Variants in ALOX5AP observed in about 807,000 individuals in gnomAD.
ALOX5AP encodes the protein arachidonate 5-lipoxygenase activating protein.
ALOX5AP carries 9 observed loss-of-function variants against 18.5 expected under a neutral mutation model. The ratio of observed to expected loss-of-function variants is 0.49; its 90% CI spans 0.29 to 0.85. The LOEUF is 0.85. Among genes scored for constraint, ALOX5AP ranks in the 40% least tolerant of loss-of-function variants. The pLI, the probability that ALOX5AP is intolerant of heterozygous loss-of-function variation, is 0.08. For missense variants in ALOX5AP, 172 were observed against 202.5 expected, an observed-to-expected ratio of 0.85 and a Z score of 0.91; for synonymous variants, 81 against 78.6, an observed-to-expected ratio of 1.03 and a Z score of -0.16.
chr13:30,754,231 C>T (rs1053939287), intron 3 of ALOX5AP, among the ~76,000 whole-genome samples: 1 of 110,406 alleles, frequency 9.1e-6, no homozygotes, highest in African/African-American at 3.3e-5. Context: ...AAGAGTGAAA[C>T]TCCGTCTCAA....
intron 2 of ALOX5AP, chr13:30,744,426 AAG>A: frequency 5.6e-6 from 2 of 355,936 alleles, no homozygotes; most frequent in South Asian, 6.9e-5. Flanking sequence ...AAAGATCTGA[AAG>A]AGTCATTTGG....
intron 1 of ALOX5AP, among the ~76,000 whole-genome samples, chr13:30,741,097 C>T (rs1442092097): frequency 1.5e-5 from 2 of 135,528 alleles, no homozygotes; most frequent in African/African-American, 5.3e-5. Context: ...ACACATCCTC[C>T]ATATCCTTTT....
intron 2 of ALOX5AP, among the ~76,000 whole-genome samples, chr13:30,746,925 A>T (rs185780682): frequency 2.0e-5 from 3 of 152,370 alleles, no homozygotes; most frequent in Admixed American, 2.0e-4. Flanking sequence ...AGGATAAATG[A>T]TACTGGTGGA....
intron 2 of ALOX5AP, 64 bp downstream of exon 2, chr13:30,744,223 G>A: frequency 1.4e-6 from 2 of 1,420,286 alleles, no homozygotes; most frequent in African/African-American, 1.4e-5. Flanking sequence ...CCTTCTAGGA[G>A]TGATGACCAC....
intron 1 of ALOX5AP, among the ~76,000 whole-genome samples, chr13:30,736,943 G>C (rs764290799): frequency 6.6e-6 from 1 of 152,238 alleles, no homozygotes; most frequent in South Asian, 2.1e-4. Context: ...CAGAGACCCT[G>C]CTCTGGCCCA....
intron 4 of ALOX5AP, among the ~76,000 whole-genome samples, chr13:30,756,414 G>A (rs1202079668): frequency 6.6e-6 from 1 of 152,176 alleles, no homozygotes; most frequent in Non-Finnish European, 1.5e-5. Flanking sequence ...TTTGTCTAGA[G>A]AAATGAGAAC....
At chr13:30,746,618 A>G (rs1472673981) in intron 2 of ALOX5AP, among the ~76,000 whole-genome samples, 1 of 152,220 alleles carries the variant, frequency 6.6e-6, no homozygotes, top group Non-Finnish European at 1.5e-5. Flanking sequence ...GTTGTGTGTT[A>G]TTCTAGGAGA....
At chr13:30,758,698 T>A (rs1951916719) in intron 4 of ALOX5AP, among the ~76,000 whole-genome samples, 1 of 152,218 alleles carries the variant, frequency 6.6e-6, no homozygotes, top group Non-Finnish European at 1.5e-5. Context: ...TCCTGTTTAG[T>A]TCACCTGTAG....
upstream of ALOX5AP, among the ~76,000 whole-genome samples, chr13:30,735,085 A>G (rs934947398): frequency 2.6e-5 from 4 of 152,100 alleles, no homozygotes; most frequent in Non-Finnish European, 4.4e-5. Flanking sequence ...TCATTGGCTC[A>G]CTGTAGCCTC....
At chr13:30,732,109 C>T (rs909893640), upstream of ALOX5AP, among the ~76,000 whole-genome samples, 19 of 152,386 alleles carry the variant, frequency 1.2e-4, no homozygotes, top group African/African-American at 4.3e-4. Context: ...CCCTCCATCC[C>T]CGGGCCTCTG....
intron 1 of ALOX5AP, among the ~76,000 whole-genome samples, chr13:30,728,703 C>G (rs994907415): frequency 1.3e-5 from 2 of 152,052 alleles, no homozygotes; most frequent in Non-Finnish European, 2.9e-5. Context: ...AAAATATTAG[C>G]AGCGTGTGGT....
chr13:30,718,084 C>T (rs947115539), intron 1 of ALOX5AP, among the ~76,000 whole-genome samples: 4 of 151,846 alleles, frequency 2.6e-5, no homozygotes, highest in South Asian at 4.2e-4. Context: ...CTCAGCCTCC[C>T]GAGTAGCTGG....
Position 30,737,210 on chromosome 13 carries a change from G to A in ALOX5AP, c.70+1535G>A, listed in dbSNP as rs115365570. ...TGCAGTTGGGGCTGAACCCAGCTAC[G>A]AAGTTTGAGCTCACTCTCTCCAGCT... On this transcript the variant is annotated intron_variant, in intron 1 of 4. Coordinates refer to ENST00000380490, the MANE Select transcript of ALOX5AP (RefSeq NM_001629.4). 4.4e-3 allele frequency among the ~76,000 whole-genome samples: 663 copies of A among 152,316 alleles called. 4 individuals are homozygous for A. The highest frequency in any genetic ancestry group is 0.015 in the African/African-American group (630 of 41,558).
At chr13:30,721,773 G>A (rs1951596102) in intron 1 of ALOX5AP, among the ~76,000 whole-genome samples, 1 of 151,928 alleles carries the variant, frequency 6.6e-6, no homozygotes, top group Admixed American at 6.5e-5. Context: ...GGCCCTTTGG[G>A]ATGTGGTTCC....
At chr13:30,752,250 T>G in intron 3 of ALOX5AP, 128 bp downstream of exon 3, 6 of 934,212 alleles carry the variant, frequency 6.4e-6, no homozygotes, top group Non-Finnish European at 9.9e-6. Context: ...CCTGGAGAGG[T>G]GAGAGCCCTC....
At chr13:30,745,751 C>T (rs750953818) in intron 2 of ALOX5AP, among the ~76,000 whole-genome samples, 3 of 152,192 alleles carry the variant, frequency 2.0e-5, no homozygotes, top group South Asian at 4.1e-4. Flanking sequence ...ACTAGAGTCC[C>T]GCCTTGGACA....
chr13:30,731,058 C>T (rs370812369), upstream of ALOX5AP, among the ~76,000 whole-genome samples: 4 of 152,166 alleles, frequency 2.6e-5, no homozygotes, highest in East Asian at 7.7e-4. Context: ...AGCCCTGTCG[C>T]TGTGGGATAT....
intron 2 of ALOX5AP, among the ~76,000 whole-genome samples, chr13:30,749,519 T>C (rs1439673665): frequency 2.0e-5 from 3 of 152,242 alleles, no homozygotes; most frequent in Non-Finnish European, 4.4e-5. Context: ...TTTGTGCCTC[T>C]AGTAACATAT....
intron 1 of ALOX5AP, among the ~76,000 whole-genome samples, chr13:30,721,686 ACTC>A (rs1197126930): frequency 6.6e-6 from 1 of 151,742 alleles, no homozygotes; most frequent in Non-Finnish European, 1.5e-5. Context: ...CATTTGTGAG[ACTC>A]CTCCTCTTAA....
Sources: gnomAD v4.1 joint callset for allele counts (sites outside exome capture counted in the v4.1 genomes callset) on GRCh38, gnomAD v4.1.1 for gene constraint, MANE v1.5 for transcripts, NCBI Gene and HGNC (gene_info 2026-07-23, HGNC 2026-07-21) for gene names.